FGF12: variants seen among roughly 807,000 people sequenced by gnomAD.
FGF12 encodes the protein fibroblast growth factor 12B.
A neutral mutation model predicts 23.6 loss-of-function variants in FGF12; 14 were observed. That is an observed-to-expected ratio of 0.59 (90% confidence interval 0.39 to 0.93). The LOEUF (loss-of-function observed/expected upper bound fraction) is 0.93, where lower values mean the gene tolerates loss of function less well. Ranked by LOEUF, FGF12 falls within the 40% of genes least tolerant of loss-of-function variation. The pLI, the probability that FGF12 is intolerant of heterozygous loss-of-function variation, is 0.00. For synonymous variants in FGF12, 62 were observed against 77.3 expected, an observed-to-expected ratio of 0.80 and a Z score of 1.04; for missense variants, 175 against 217.8, an observed-to-expected ratio of 0.80 and a Z score of 1.24.
chr3:192,614,706 T>C (rs956449703), intron 2 of FGF12, among the ~76,000 whole-genome samples: 12 of 152,106 alleles, frequency 7.9e-5, no homozygotes, highest in Admixed American at 3.3e-4. Context: ...GTATTCTTTA[T>C]GCTGTAATAA....
At chr3:192,630,798 T>C (rs1715362445) in intron 2 of FGF12, among the ~76,000 whole-genome samples, 1 of 151,670 alleles carries the variant, frequency 6.6e-6, no homozygotes, top group Admixed American at 6.6e-5. Context: ...GACCTCGAGA[T>C]CTGCCCGCCT....
chr3:192,206,456 A>G (rs1251622651), intron 4 of FGF12, among the ~76,000 whole-genome samples: 3 of 152,228 alleles, frequency 2.0e-5, no homozygotes, highest in African/African-American at 7.2e-5. Flanking sequence ...GTTAAAAGTA[A>G]TGACAGGAAG....
intron 4 of FGF12, among the ~76,000 whole-genome samples, chr3:192,252,301 A>G (rs921903882): frequency 6.6e-6 from 1 of 151,660 alleles, no homozygotes; most frequent in African/African-American, 2.4e-5. Flanking sequence ...TCTCTACTAA[A>G]AAATACAAAA....
chr3:192,164,940 C>CTTTA (rs1260596424), intron 5 of FGF12, among the ~76,000 whole-genome samples: 4 of 151,914 alleles, frequency 2.6e-5, no homozygotes, highest in South Asian at 2.1e-4. Context: ...TTATCGAAAA[C>CTTTA]TTTATTTATT....
At chr3:192,456,614 T>C (rs1224890197) in intron 2 of FGF12, among the ~76,000 whole-genome samples, 3 of 152,216 alleles carry the variant, frequency 2.0e-5, no homozygotes, top group Admixed American at 6.5e-5. Flanking sequence ...CACAAAAATT[T>C]TTAAAAATAA....
intron 2 of FGF12, among the ~76,000 whole-genome samples, chr3:192,446,137 G>A (rs952290553): frequency 6.6e-6 from 1 of 152,202 alleles, no homozygotes; most frequent in African/African-American, 2.4e-5. Flanking sequence ...GAAGTTGCAA[G>A]TTTATCTACA....
At chr3:192,179,227 A>G (rs898879935) in intron 4 of FGF12, among the ~76,000 whole-genome samples, 2 of 152,168 alleles carry the variant, frequency 1.3e-5, no homozygotes, top group African/African-American at 4.8e-5. Context: ...CTTAAAAAAA[A>G]CAACTCTGCA....
intron 2 of FGF12, among the ~76,000 whole-genome samples, chr3:192,532,607 C>G (rs1156739970): frequency 6.6e-6 from 1 of 152,042 alleles, no homozygotes; most frequent in Non-Finnish European, 1.5e-5. Context: ...TTGTACCAAA[C>G]TTTTGATGCT....
rs1281566261 is a variant in FGF12 at position 192,144,080 on chromosome 3, C to G, written c.475G>C (p.Gly159Arg). The G allele has an allele frequency of 1.2e-6, 2 of 1,613,594 alleles. No homozygotes were observed. Among genetic ancestry groups the G allele is most frequent in the Non-Finnish European group, 1.7e-6 (2 of 1,179,728 alleles). ...PSLHEIGEKQ[G>R]RSRKSSGTPT... ...GTTCCAGAACTTTTCCTTGAACGCC[C>G]TTGTTTTTCTCCAATTTCATGTAGC... is the stretch of plus-strand genomic sequence containing the variant. Residue 159 changes from glycine to arginine, a missense_variant, in exon 6 of 6, where the codon GGG becomes CGG. By Grantham distance (125) the Gly-to-Arg change is moderately radical (BLOSUM62 -2). Coordinates refer to ENST00000445105, the MANE Select transcript of FGF12 (RefSeq NM_004113.6).
chr3:192,506,490 C>T (rs1359791039), intron 2 of FGF12, among the ~76,000 whole-genome samples: 1 of 152,158 alleles, frequency 6.6e-6, no homozygotes, highest in African/African-American at 2.4e-5. Context: ...CCTGCCTCAG[C>T]CTCCAGAGTA....
Position 192,144,081 on chromosome 3 carries a change from T to C in FGF12, c.474A>G (p.Gln158=), listed in dbSNP as rs1713558582. 3.1e-6 allele frequency: 5 copies of C among 1,613,698 alleles called. No homozygotes were observed. The highest frequency in any genetic ancestry group is 1.3e-5 in the African/African-American group (1 of 74,934). The part of the protein sequence containing the change: ...EPSLHEIGEK[Q]GRSRKSSGTP... ...TTCCAGAACTTTTCCTTGAACGCCC[T>C]TGTTTTTCTCCAATTTCATGTAGCG... The change falls in exon 6 of 6, where the codon CAA becomes CAG. Residue 158 remains glutamine, a synonymous_variant. Coordinates refer to ENST00000445105, the MANE Select transcript of FGF12 (RefSeq NM_004113.6).
chr3:192,668,017 C>A (rs979940201), intron 2 of FGF12, among the ~76,000 whole-genome samples: 2 of 151,960 alleles, frequency 1.3e-5, no homozygotes, highest in African/African-American at 4.8e-5. Flanking sequence ...AGATGTTCAT[C>A]GTTGTGATGT....
At chr3:192,698,826 A>G (rs1169854480) in intron 2 of FGF12, among the ~76,000 whole-genome samples, 1 of 152,094 alleles carries the variant, frequency 6.6e-6, no homozygotes, top group Non-Finnish European at 1.5e-5. Flanking sequence ...GGTGAGAATC[A>G]CCTCCATTTT....
rs763408849 is a variant in FGF12 at position 192,169,489 on chromosome 3, G to T, written c.427+969C>A. ...CCAGTGCTTGGAACATTGGAAGATA[G>T]TATTGACTTAAATGTTTGCAGTCAC... is the stretch of plus-strand genomic sequence containing the variant. On this transcript the variant is annotated intron_variant, in intron 5 of 5. Coordinates refer to ENST00000445105, the MANE Select transcript of FGF12 (RefSeq NM_004113.6). 3.9e-5 allele frequency among the ~76,000 whole-genome samples: 6 copies of T among 152,266 alleles called. No homozygotes were observed. In the East Asian group the frequency reaches 9.6e-4, roughly 24 times the overall value.
chr3:192,349,410 C>T (rs1348214078), intron 3 of FGF12, among the ~76,000 whole-genome samples: 1 of 152,008 alleles, frequency 6.6e-6, no homozygotes, highest in Admixed American at 6.6e-5. Context: ...CTTCAAGAAA[C>T]CCTCTCTTTT....
At chr3:192,286,783 A>G (rs949189523) in intron 4 of FGF12, among the ~76,000 whole-genome samples, 9 of 152,026 alleles carry the variant, frequency 5.9e-5, no homozygotes, top group African/African-American at 1.9e-4. Flanking sequence ...CAAGTGATCA[A>G]ATAACACAAC....
chr3:192,541,805 G>A (rs1401777646), intron 2 of FGF12, among the ~76,000 whole-genome samples: 5 of 151,778 alleles, frequency 3.3e-5, no homozygotes, highest in African/African-American at 9.7e-5. Context: ...TACTATTTTA[G>A]GATACAAGTT....
chr3:192,355,729 C>T (rs1718444288), intron 3 of FGF12, among the ~76,000 whole-genome samples: 1 of 152,158 alleles, frequency 6.6e-6, no homozygotes, highest in South Asian at 2.1e-4. Context: ...TGGCTACTAT[C>T]TTAGTAATTC....
rs901126587 is a variant in FGF12 at position 192,312,615 on chromosome 3, G to A, written c.228+22746C>T. The stretch of plus-strand genomic sequence containing the variant: ...TATGTACAATTAGTCAAAACGCAAA[G>A]ATAATACAAATACAAAACAAGGAAA... On this transcript the variant is annotated intron_variant, in intron 4 of 5. Coordinates refer to ENST00000445105, the MANE Select transcript of FGF12 (RefSeq NM_004113.6). Among the ~76,000 whole-genome samples, 4 of 151,744 alleles carry A rather than the reference G, an allele frequency of 2.6e-5. No homozygotes were observed. In the East Asian group the frequency reaches 7.7e-4, roughly 29 times the overall value.
Sources: gnomAD v4.1 joint callset for allele counts (sites outside exome capture counted in the v4.1 genomes callset) on GRCh38, gnomAD v4.1.1 for gene constraint, MANE v1.5 for transcripts, NCBI Gene and HGNC (gene_info 2026-07-23, HGNC 2026-07-21) for gene names.